The following MICAL2 variants were observed in gnomAD, a reference collection of about 807,000 sequenced individuals.
MICAL2 encodes [F-actin]-monooxygenase MICAL2.
In MICAL2, 77 loss-of-function variants were observed where a neutral mutation model predicts 127.3. The ratio of observed to expected loss-of-function variants is 0.60; its 90% CI spans 0.50 to 0.73. MICAL2 has a LOEUF of 0.73. MICAL2 is among the 30% of genes least tolerant of loss of function. The probability of loss-of-function intolerance (pLI) is 0.00; values close to 1 mark genes in which losing one functional copy is unlikely to be tolerated. For missense variants in MICAL2, 1,351 were observed against 1,434.4 expected, an observed-to-expected ratio of 0.94 and a Z score of 0.94; for synonymous variants, 570 against 551.1, an observed-to-expected ratio of 1.03 and a Z score of -0.48.
At chr11:12,279,743 AC>A (rs1306646269) in intron 1 of MICAL2, among the ~76,000 whole-genome samples, 2 of 152,190 alleles carry the variant, frequency 1.3e-5, no homozygotes, top group African/African-American at 4.8e-5. Flanking sequence ...GAACTCGGCT[AC>A]TGAGGGTCTC....
At chr11:12,146,290 G>C (rs1474283918) in intron 2 of MICAL2, among the ~76,000 whole-genome samples, 2 of 152,178 alleles carry the variant, frequency 1.3e-5, no homozygotes, top group African/African-American at 4.8e-5. Context: ...CCTACAGAAT[G>C]GGAGAAAATT....
chr11:12,311,475 G>A (rs189679920), intron 29 of MICAL2, among the ~76,000 whole-genome samples: 25 of 152,096 alleles, frequency 1.6e-4, no homozygotes, highest in Admixed American at 1.1e-3. Flanking sequence ...GCAGTGGCAC[G>A]ATCTTGACTC....
At chr11:12,218,439 C>T (rs1856445083) in intron 8 of MICAL2, among the ~76,000 whole-genome samples, 1 of 152,204 alleles carries the variant, frequency 6.6e-6, no homozygotes, top group Non-Finnish European at 1.5e-5. Context: ...TAGTGTCTTC[C>T]CTTTGCTAGG....
chr11:12,320,635 A>G (rs1477193992), intron 30 of MICAL2, among the ~76,000 whole-genome samples: 1 of 152,152 alleles, frequency 6.6e-6, no homozygotes, highest in Non-Finnish European at 1.5e-5. Flanking sequence ...TTTTTGGAGT[A>G]GTGAGGATCT....
In MICAL2 at chr11:12,242,420, A is replaced by G. The variant is rs754583970; in HGVS notation, c.2544A>G (p.Glu848=). ...GVLWRLQQVE[E]KILQKRAQNL... ...TGTGGCGGCTGCAGCAAGTGGAGGA[A>G]AAGATTCTCCAGGTGAGAGACTCAC... is the stretch of plus-strand genomic sequence containing the variant. The change falls in exon 19 of 28, where the codon GAA becomes GAG. Residue 848 remains glutamate, a synonymous_variant. Transcript: ENST00000683283. 14 of 1,606,196 alleles carry G rather than the reference A, an allele frequency of 8.7e-6. No homozygotes were observed. In the South Asian group the frequency reaches 1.4e-4, roughly 16 times the overall value.
chr11:12,249,202 G>T lies in MICAL2; in HGVS notation c.2803G>T (p.Gly935Trp). ...PARKEKKSPS[G>W]FHFHPSHLRT... ...TCTAAAGGAAAAGAAGTCACCTTCA[G>T]GGTTCCATTTTCATCCCAGCCATTT... The change falls in exon 22 of 28, where the codon GGG becomes TGG. Residue 935 changes from glycine to tryptophan, a missense_variant. Around this residue, in one of 2 missense-constraint regions of MICAL2, gnomAD observed 752 missense variants for 719.4 expected, o/e 1.05. Coordinates refer to ENST00000683283, the MANE Select transcript of MICAL2 (RefSeq NM_001282663.2). The T allele has an allele frequency of 6.2e-7, 1 of 1,613,782 alleles. No homozygotes were observed. Among genetic ancestry groups the T allele is most frequent in the South Asian group, 1.1e-5 (1 of 91,062 alleles).
chr11:12,211,301 AACACAGGAGGTGGAGG>A (rs1349585068), intron 6 of MICAL2, among the ~76,000 whole-genome samples: 8 of 152,172 alleles, frequency 5.3e-5, no homozygotes, highest in Admixed American at 5.2e-4. Context: ...GAATTGCTTG[AACACAGGAGGTGGAGG>A]TTGCAGTGAG....
chr11:12,133,378 G>A (rs570665655), intron 1 of MICAL2, among the ~76,000 whole-genome samples: 2 of 152,244 alleles, frequency 1.3e-5, no homozygotes, highest in South Asian at 4.1e-4. Flanking sequence ...CACTGTGCCC[G>A]GCCATTTTTT....
At chr11:12,249,749 GT>G (rs764432572) in intron 22 of MICAL2, among the ~76,000 whole-genome samples, 38 of 152,240 alleles carry the variant, frequency 2.5e-4, no homozygotes, top group Admixed American at 2.4e-3. Flanking sequence ...GTGGCCACAG[GT>G]GGCCAAACTC....
intron 33 of MICAL2, among the ~76,000 whole-genome samples, chr11:12,351,610 G>A (rs1939046615): frequency 6.6e-6 from 1 of 152,148 alleles, no homozygotes; most frequent in South Asian, 2.1e-4. Flanking sequence ...AGAGAGGAGT[G>A]AGTTGAGCTC....
intron 32 of MICAL2, among the ~76,000 whole-genome samples, chr11:12,335,336 G>A (rs1275058075): frequency 6.6e-6 from 1 of 151,984 alleles, no homozygotes; most frequent in Non-Finnish European, 1.5e-5. Flanking sequence ...TGAGTTCATT[G>A]TAGATTCTGG....
chr11:12,165,000 G>T (rs931930624), intron 3 of MICAL2, among the ~76,000 whole-genome samples: 2 of 151,996 alleles, frequency 1.3e-5, no homozygotes, highest in African/African-American at 4.8e-5. Flanking sequence ...TTAGCCAGGT[G>T]TGGTGGCAAG....
chr11:12,153,722 C>G (rs1853848610), intron 2 of MICAL2, among the ~76,000 whole-genome samples: 2 of 152,220 alleles, frequency 1.3e-5, no homozygotes, highest in African/African-American at 2.4e-5. Flanking sequence ...TCCCCCAGAT[C>G]CTGGTAACCA....
chr11:12,344,317 AAAC>A (rs1217349866), intron 32 of MICAL2, among the ~76,000 whole-genome samples: 3 of 151,870 alleles, frequency 2.0e-5, no homozygotes, highest in Non-Finnish European at 4.4e-5. Context: ...ACAAAACAAA[AAAC>A]AAAAGAAAAG....
At chr11:12,352,743 G>A (rs1939072276) in intron 33 of MICAL2, among the ~76,000 whole-genome samples, 1 of 152,220 alleles carries the variant, frequency 6.6e-6, no homozygotes, top group Admixed American at 6.5e-5. Context: ...AGGAGCAGGA[G>A]GAAGTGAGAA....
At chr11:12,268,211 C>A (rs1180420615), downstream of MICAL2, among the ~76,000 whole-genome samples, 4 of 152,188 alleles carry the variant, frequency 2.6e-5, no homozygotes, top group African/African-American at 9.6e-5. Flanking sequence ...CCACTGCAGA[C>A]CCCCTGATTA....
At chr11:12,281,431 C>T (rs1226963329) in intron 2 of MICAL2, among the ~76,000 whole-genome samples, 3 of 152,128 alleles carry the variant, frequency 2.0e-5, no homozygotes, top group Non-Finnish European at 4.4e-5. Context: ...CCTGTATGGG[C>T]ACCTCCTTAG....
At chr11:12,344,793 G>A (rs1157021149) in intron 32 of MICAL2, among the ~76,000 whole-genome samples, 1 of 147,324 alleles carries the variant, frequency 6.8e-6, no homozygotes, top group Non-Finnish European at 1.5e-5. Flanking sequence ...GAGCCACCGC[G>A]CCCGGCCTAG....
intron 30 of MICAL2, among the ~76,000 whole-genome samples, chr11:12,322,535 G>A (rs1276932550): frequency 6.6e-6 from 1 of 152,120 alleles, no homozygotes; most frequent in Non-Finnish European, 1.5e-5. Flanking sequence ...TAGCCTGTAG[G>A]CACCAAGCTA....
Sources: gnomAD v4.1 joint callset for allele counts (sites outside exome capture counted in the v4.1 genomes callset) on GRCh38, gnomAD v4.1.1 for gene constraint, gnomAD v4.1.1 regional missense constraint, MANE v1.5 for transcripts, NCBI Gene and HGNC (gene_info 2026-07-23, HGNC 2026-07-21) for gene names.